TOX3: variants seen among roughly 807,000 people sequenced by gnomAD.
TOX3 encodes CAG trinucleotide repeat-containing gene F9 protein.
A neutral mutation model predicts 64.3 loss-of-function variants in TOX3; 22 were observed. The ratio of observed to expected loss-of-function variants is 0.34; its 90% CI spans 0.24 to 0.49. TOX3 has a LOEUF of 0.49. TOX3 is among the 20% of genes least tolerant of loss of function. TOX3 has a pLI of 0.99. For synonymous variants in TOX3, 291 were observed against 273.6 expected (o/e 1.06, Z -0.63); for missense variants, 661 against 714.4 (o/e 0.93, Z 0.85).
intron 1 of TOX3, among the ~76,000 whole-genome samples, chr16:52,542,407 C>T (rs1963093427): frequency 6.6e-6 from 1 of 152,032 alleles, no homozygotes; most frequent in Admixed American, 6.6e-5. Context: ...TTTGAGGGTC[C>T]CACATAATGA....
At chr16:52,530,046 G>T (rs916022403) in intron 1 of TOX3, among the ~76,000 whole-genome samples, 1 of 152,148 alleles carries the variant, frequency 6.6e-6, no homozygotes, top group Non-Finnish European at 1.5e-5. Flanking sequence ...CTGGATGAAC[G>T]GAAGGAAGCA....
chr16:52,486,962 GA>G (rs1269721768), intron 1 of TOX3, among the ~76,000 whole-genome samples: 2 of 151,668 alleles, frequency 1.3e-5, no homozygotes, highest in Non-Finnish European at 2.9e-5. Flanking sequence ...ATTTTTAAAA[GA>G]AAAAAAGTGG....
chr16:52,508,076 C>T (rs887735985), intron 1 of TOX3, among the ~76,000 whole-genome samples: 1 of 152,180 alleles, frequency 6.6e-6, no homozygotes, highest in African/African-American at 2.4e-5. Context: ...AAGAAATACG[C>T]TATCATAGCA....
At chr16:52,495,696 T>A (rs1485274980) in intron 1 of TOX3, among the ~76,000 whole-genome samples, 1 of 152,210 alleles carries the variant, frequency 6.6e-6, no homozygotes, top group Non-Finnish European at 1.5e-5. Flanking sequence ...ACACAACTCA[T>A]GCCTTTCCAG....
intron 3 of TOX3, among the ~76,000 whole-genome samples, chr16:52,451,102 T>C (rs1456708933): frequency 6.6e-6 from 1 of 152,158 alleles, no homozygotes; most frequent in Non-Finnish European, 1.5e-5. Flanking sequence ...AGAGCTTTAG[T>C]TTCACAGAGC....
In TOX3 at chr16:52,537,826, G is replaced by C. The variant is rs187631808; in HGVS notation, c.87+8811C>G. ...GGCTGAGCTGTGAGAATGTAACTTG[G>C]AGCTGCTGCTGGACAACTTCCCACT... On this transcript the variant is annotated intron_variant, in intron 1 of 6. Transcript: ENST00000219746. 6.1e-5 allele frequency among the ~76,000 whole-genome samples: 9 copies of C among 146,888 alleles called. No homozygotes were observed. The East Asian group carries it at 1.8e-3, about 30-fold the overall frequency.
At chr16:52,448,534 T>A (rs1204935313) in intron 4 of TOX3, among the ~76,000 whole-genome samples, 1 of 152,204 alleles carries the variant, frequency 6.6e-6, no homozygotes, top group African/African-American at 2.4e-5. Flanking sequence ...GTGAGAAGAC[T>A]GTCAGTGTAT....
At chr16:52,445,358 A>C (rs1960132927) in intron 5 of TOX3, 1 of 152,154 alleles carries the variant, frequency 6.6e-6, no homozygotes, top group African/African-American at 2.4e-5. Flanking sequence ...AGTTTCATGC[A>C]AGGAGTAAGG....
chr16:52,507,852 A>G (rs1027531639), intron 1 of TOX3, among the ~76,000 whole-genome samples: 1 of 152,182 alleles, frequency 6.6e-6, no homozygotes, highest in African/African-American at 2.4e-5. Context: ...TCTAGATTAC[A>G]TTATTTGAAA....
At chr16:52,545,620 G>GAGGAGGGAGGAGC (rs1328982007) in intron 1 of TOX3, among the ~76,000 whole-genome samples, 1 of 152,216 alleles carries the variant, frequency 6.6e-6, no homozygotes, top group African/African-American at 2.4e-5. Context: ...AAAAGAGAGG[G>GAGGAGGGAGGAGC]AGGAGGGAGG....
chr16:52,544,533 G>C (rs548141631), intron 1 of TOX3, among the ~76,000 whole-genome samples: 1 of 152,156 alleles, frequency 6.6e-6, no homozygotes, highest in African/African-American at 2.4e-5. Flanking sequence ...TCATAACTTG[G>C]GTACACAGAG....
At chr16:52,467,153 A>G (rs1461497440) in intron 2 of TOX3, among the ~76,000 whole-genome samples, 1 of 152,224 alleles carries the variant, frequency 6.6e-6, no homozygotes, top group East Asian at 1.9e-4. Context: ...GTATCAACAT[A>G]TAACAGCCAA....
At chr16:52,451,790 C>G (rs914188949) in intron 3 of TOX3, among the ~76,000 whole-genome samples, 8 of 152,158 alleles carry the variant, frequency 5.3e-5, no homozygotes, top group African/African-American at 1.9e-4. Flanking sequence ...TCTACCCATA[C>G]GTCAAAGTGT....
intron 1 of TOX3, among the ~76,000 whole-genome samples, chr16:52,479,127 A>G (rs142130724): frequency 1.6e-4 from 25 of 152,184 alleles, no homozygotes; most frequent in African/African-American, 6.0e-4. Context: ...TCCCCCTTGA[A>G]AGTCAGCATA....
chr16:52,486,220 T>C (rs1386943312), intron 1 of TOX3, among the ~76,000 whole-genome samples: 7 of 152,056 alleles, frequency 4.6e-5, no homozygotes, highest in Non-Finnish European at 7.4e-5. Context: ...AGAACACCAG[T>C]GTCTGATGAC....
chr16:52,478,444 A>G (rs918222851), intron 1 of TOX3, among the ~76,000 whole-genome samples: 1 of 152,184 alleles, frequency 6.6e-6, no homozygotes, highest in African/African-American at 2.4e-5. Flanking sequence ...AAGGACCTCC[A>G]TGTGCCCTCC....
At chr16:52,510,649 G>C (rs1009938075) in intron 1 of TOX3, among the ~76,000 whole-genome samples, 3 of 151,538 alleles carry the variant, frequency 2.0e-5, no homozygotes, top group Non-Finnish European at 2.9e-5. Flanking sequence ...CCAGCTGCTT[G>C]GGGCGCTGAG....
rs866233824 is a variant in TOX3, at chr16:52,546,868, C to T, written c.-145G>A. On this transcript the variant is annotated 5_prime_UTR_variant, in exon 1 of 7. Coordinates refer to ENST00000219746, the MANE Select transcript of TOX3 (RefSeq NM_001080430.4). Reference sequence around the variant, plus strand: ...GCCGGAGGGGCGCCGGGACCCAGAGCCCGAGGAGCTCGGGAGCCGCGGCCG... The same window carrying T: ...GCCGGAGGGGCGCCGGGACCCAGAGTCCGAGGAGCTCGGGAGCCGCGGCCG... 49 of 1,201,080 alleles carry T rather than the reference C, an allele frequency of 4.1e-5. No homozygotes were observed. The African/African-American group carries it at 7.3e-4, about 18-fold the overall frequency. The allele number at this position is 1,201,080 out of a possible 1,614,324, so 74.4% of individuals were successfully genotyped here. A position where few individuals can be genotyped will look rare whatever the true frequency, so the allele number is the denominator to read the frequency against.
rs1323000169 is a variant in TOX3 at position 52,438,586 on chromosome 16, T to C, written c.*639A>G. ...TTACAACATATACTGTGGTTTGATT[T>C]GGAGAAGTCATGGATAAAAAGTGGA... On this transcript the variant is annotated 3_prime_UTR_variant, in exon 7 of 7. Coordinates refer to ENST00000219746, the MANE Select transcript of TOX3 (RefSeq NM_001080430.4). 2 of 182,712 alleles carry C rather than the reference T, an allele frequency of 1.1e-5. No homozygotes were observed. The highest frequency in any genetic ancestry group is 2.3e-5 in the Non-Finnish European group (2 of 87,084). The allele number at this position is 182,712 out of a possible 1,614,324, so 11.3% of individuals were successfully genotyped here. A position where few individuals can be genotyped will look rare whatever the true frequency, so the allele number is the denominator to read the frequency against.
Sources: allele counts gnomAD v4.1 joint callset (sites outside exome capture counted in the v4.1 genomes callset), GRCh38; gene constraint gnomAD v4.1.1; transcripts MANE v1.5; gene names NCBI Gene and HGNC (gene_info 2026-07-23, HGNC 2026-07-21).